The following TMTC3 variants were observed in gnomAD, a reference collection of about 807,000 sequenced individuals.
The protein encoded by TMTC3 is transmembrane O-mannosyltransferase targeting cadherins 3.
In TMTC3, 52 loss-of-function variants were observed where a neutral mutation model predicts 92.2. That is an observed-to-expected ratio of 0.56 (90% CI 0.45 to 0.71). TMTC3 has a LOEUF of 0.71. Among genes scored for constraint, TMTC3 ranks in the 30% least tolerant of loss-of-function variants. The probability of loss-of-function intolerance (pLI) is 0.00; values close to 1 mark genes in which losing one functional copy is unlikely to be tolerated. For synonymous variants in TMTC3, 339 were observed against 363.3 expected (o/e 0.93, Z 0.76); for missense variants, 896 against 1,057.1 (o/e 0.85, Z 2.11).
chr12:88,177,857 A>G lies in TMTC3; in HGVS notation c.1432+1538A>G, dbSNP rs114091318. Among the ~76,000 whole-genome samples, 948 of 152,296 alleles carry G rather than the reference A, an allele frequency of 6.2e-3. 11 individuals carry two copies. The highest frequency in any genetic ancestry group is 0.022 in the African/African-American group (913 of 41,556). Reference sequence around the variant, plus strand: ...TAGAAAGGAGGTGAAAATCATTTGGAAAAAAGGTCATCAAGACCACAGTAT... The same window carrying G: ...TAGAAAGGAGGTGAAAATCATTTGGGAAAAAGGTCATCAAGACCACAGTAT... On this transcript the variant is annotated intron_variant, in intron 10 of 13. Transcript: ENST00000266712.
At chr12:88,157,755 A>C (rs912341816) in intron 4 of TMTC3, among the ~76,000 whole-genome samples, 1 of 152,138 alleles carries the variant, frequency 6.6e-6, no homozygotes, top group African/African-American at 2.4e-5. Flanking sequence ...AGTGTCCTTA[A>C]CTTATTTACC....
Position 88,198,661 on chromosome 12 carries a change from C to T in TMTC3, c.*3012C>T. ...TGTGAATTACACAGTTCTAATAAAA[C>T]CTCATGCCTTTTCATTACATCTAAT... On this transcript the variant is annotated 3_prime_UTR_variant, in exon 14 of 14. Transcript: ENST00000266712. 1 of 362,374 alleles carries T rather than the reference C, an allele frequency of 2.8e-6. No individual in the cohort carries two copies. Among genetic ancestry groups the T allele is most frequent in the Non-Finnish European group, 4.9e-6 (1 of 203,798 alleles). The allele number at this position is 362,374 out of a possible 1,614,324, so 22.4% of individuals were successfully genotyped here.
rs2041218072 is a variant in TMTC3, at chr12:88,172,670, A to T, written c.1124A>T (p.Glu375Val). The T allele has an allele frequency of 6.3e-7, 1 of 1,591,770 alleles. No homozygotes were observed. The highest frequency in any genetic ancestry group is 1.4e-5 in the African/African-American group (1 of 73,696). The change falls in exon 8 of 14, where the codon GAG becomes GTG. Residue 375 changes from glutamate (E) to valine (V), a missense_variant. By Grantham distance (121) the Glu-to-Val change is moderately radical. Transcript: ENST00000266712. ...LFFPVGFVVA[E>V]RVLYVPSMGF... ...TTTCCAGTTGGATTTGTTGTTGCCG[A>T]GCGAGTATTATATGTTCCCAGCATG...
At chr12:88,149,802 C>T (rs1464398502) in intron 2 of TMTC3, among the ~76,000 whole-genome samples, 1 of 151,892 alleles carries the variant, frequency 6.6e-6, no homozygotes, top group South Asian at 2.1e-4. Flanking sequence ...CCTTTTTGTT[C>T]TCACCCAATT....
rs1460203144 is a variant in TMTC3, at chr12:88,199,702, G to GAGGT, written c.*4056_*4059dup. 1 of 152,164 alleles carries GAGGT rather than the reference G, an allele frequency of 6.6e-6. No individual in the cohort carries two copies. The highest frequency in any genetic ancestry group is 1.5e-5 in the Non-Finnish European group (1 of 68,028). The allele number at this position is 152,164 out of a possible 1,614,324, so 9.4% of individuals were successfully genotyped here. Reference sequence around the variant, plus strand: ...CCTTGTGCTGTTCACTGCCATCAGGGAGGTAGCATAAAATGAAAGATAAAG... The same window carrying GAGGT: ...CCTTGTGCTGTTCACTGCCATCAGGGAGGTAGGTAGCATAAAATGAAAGATAAAG... On this transcript the variant is annotated 3_prime_UTR_variant, in exon 14 of 14. Transcript: ENST00000266712.
chr12:88,161,885 G>T (rs2041084009), intron 6 of TMTC3, among the ~76,000 whole-genome samples: 1 of 151,360 alleles, frequency 6.6e-6, no homozygotes, highest in African/African-American at 2.4e-5. Context: ...CTTTTGTGCA[G>T]TTTGCATATG....
chr12:88,165,831 T>C (rs750114788), intron 6 of TMTC3, among the ~76,000 whole-genome samples: 3 of 152,148 alleles, frequency 2.0e-5, no homozygotes, highest in Non-Finnish European at 4.4e-5. Context: ...GATATGGTTT[T>C]CTCTCTCCAT....
At chr12:88,159,640 G>A (rs6538129) in intron 4 of TMTC3, among the ~76,000 whole-genome samples, 10,549 of 151,156 alleles carry the variant, frequency 0.07, 1,248 homozygotes, top group African/African-American at 0.24. Context: ...TCCAGCCTGA[G>A]TGACAGGGCC....
intron 4 of TMTC3, among the ~76,000 whole-genome samples, chr12:88,159,680 A>G (rs1032185322): frequency 7.3e-5 from 11 of 151,166 alleles, no homozygotes; most frequent in Non-Finnish European, 1.6e-4. Context: ...AAAAAAAAGT[A>G]TAGTACCCTA....
At chr12:88,182,128 A>G (rs2041325011) in intron 10 of TMTC3, among the ~76,000 whole-genome samples, 1 of 152,214 alleles carries the variant, frequency 6.6e-6, no homozygotes, top group Non-Finnish European at 1.5e-5. Flanking sequence ...TGTATAGGTG[A>G]CTTTACTAAC....
intron 8 of TMTC3, among the ~76,000 whole-genome samples, chr12:88,174,379 G>A (rs887703659): frequency 2.0e-5 from 3 of 151,900 alleles, no homozygotes; most frequent in Non-Finnish European, 4.4e-5. Flanking sequence ...TTGAAATATA[G>A]CCAATATTAG....
chr12:88,157,505 A>T (rs1336089576), intron 4 of TMTC3, among the ~76,000 whole-genome samples: 3 of 151,840 alleles, frequency 2.0e-5, no homozygotes, highest in Non-Finnish European at 2.9e-5. Context: ...CATCAATATC[A>T]CTACTCATCT....
intron 6 of TMTC3, among the ~76,000 whole-genome samples, chr12:88,161,794 AAT>A (rs1348795814): frequency 6.6e-6 from 1 of 151,000 alleles, no homozygotes; most frequent in Non-Finnish European, 1.5e-5. Flanking sequence ...TCTAATTTCG[AAT>A]ATATATATAA....
intron 10 of TMTC3, among the ~76,000 whole-genome samples, chr12:88,178,723 A>G (rs1477847110): frequency 6.6e-6 from 1 of 152,160 alleles, no homozygotes; most frequent in East Asian, 1.9e-4. Flanking sequence ...CAATGCATGG[A>G]TTAATTATAT....
chr12:88,187,517 G>GT (rs542996058), intron 10 of TMTC3, among the ~76,000 whole-genome samples: 20 of 151,560 alleles, frequency 1.3e-4, no homozygotes, highest in African/African-American at 3.1e-4. Context: ...TAGCTTAAAC[G>GT]TTTTTTTTGC....
Position 88,197,961 on chromosome 12 carries a change from T to C in TMTC3, c.*2312T>C, listed in dbSNP as rs2041534514. 6.0e-6 allele frequency: 1 copy of C among 167,628 alleles called. No homozygotes were observed. Among genetic ancestry groups the C allele is most frequent in the East Asian group, 1.6e-4 (1 of 6,288 alleles). 10.4% of individuals were successfully genotyped at this position (167,628 alleles called of 1,614,324 possible). On this transcript the variant is annotated 3_prime_UTR_variant, in exon 14 of 14. Coordinates refer to ENST00000266712, the MANE Select transcript of TMTC3 (RefSeq NM_181783.4). The stretch of plus-strand genomic sequence containing the variant: ...AGAGTTGAAGACCACTGCTCTAAAT[T>C]AGTGCAGGAAAATGCTTTTATTTCT...
intron 6 of TMTC3, among the ~76,000 whole-genome samples, chr12:88,161,623 T>G (rs2041080739): frequency 6.6e-6 from 1 of 151,850 alleles, no homozygotes; most frequent in African/African-American, 2.4e-5. Flanking sequence ...CATCTAATCT[T>G]TGTTCCTTTT....
chr12:88,152,157 A>G (rs1329187861), intron 2 of TMTC3, among the ~76,000 whole-genome samples: 1 of 152,178 alleles, frequency 6.6e-6, no homozygotes, highest in Non-Finnish European at 1.5e-5. Context: ...TAAGGAAAAT[A>G]TGTTTATTTG....
At chr12:88,157,460 A>G (rs1459521409) in intron 4 of TMTC3, among the ~76,000 whole-genome samples, 1 of 151,766 alleles carries the variant, frequency 6.6e-6, no homozygotes, top group Admixed American at 6.6e-5. Context: ...ATTTTTTATT[A>G]CTTTGGGTTT....
Sources: allele counts gnomAD v4.1 joint callset (sites outside exome capture counted in the v4.1 genomes callset), GRCh38; gene constraint gnomAD v4.1.1; transcripts MANE v1.5; gene names NCBI Gene and HGNC (gene_info 2026-07-23, HGNC 2026-07-21).